The following ERICH1 variants were observed in gnomAD, a reference collection of about 807,000 sequenced individuals.
ERICH1 encodes the protein glutamate rich 1, also known as glutamate-rich protein 1.
A neutral mutation model predicts 39.6 loss-of-function variants in ERICH1; 56 were observed. The observed-to-expected ratio is 1.41, with a 90% CI of 1.14 to 1.77. The LOEUF is 1.77. ERICH1 is among the 40% of genes most tolerant of loss of function. The probability of loss-of-function intolerance (pLI) is 0.00; values close to 1 mark genes in which losing one functional copy is unlikely to be tolerated. For synonymous variants in ERICH1, 313 were observed against 223.6 expected (o/e 1.40, Z -3.57); for missense variants, 826 against 575.4 (o/e 1.44, Z -4.45).
intron 1 of ERICH1, among the ~76,000 whole-genome samples, chr8:719,566 G>C (rs1413336014): frequency 6.6e-6 from 1 of 152,206 alleles, no homozygotes; most frequent in Non-Finnish European, 1.5e-5. Flanking sequence ...AAACACTGTG[G>C]AGGAGACACC....
At chr8:722,052 CACG>C in intron 1 of ERICH1, among the ~76,000 whole-genome samples, 1 of 152,218 alleles carries the variant, frequency 6.6e-6, no homozygotes, top group East Asian at 1.9e-4. Flanking sequence ...GCCTTGCAGT[CACG>C]ACGACTCCGT....
At chr8:687,904 C>G (rs1289175237) in intron 3 of ERICH1, among the ~76,000 whole-genome samples, 1 of 152,144 alleles carries the variant, frequency 6.6e-6, no homozygotes, top group Admixed American at 6.5e-5. Flanking sequence ...GGCTTCCAGC[C>G]GAGACGGCAC....
chr8:692,378 C>A, intron 3 of ERICH1, 100 bp downstream of exon 3: 1 of 1,533,118 alleles, frequency 6.5e-7, no homozygotes, highest in Non-Finnish European at 8.9e-7. Context: ...CACCCACCCC[C>A]CAAGTATGAA....
intron 3 of ERICH1, among the ~76,000 whole-genome samples, chr8:633,463 A>G (rs1401531213): frequency 6.6e-6 from 1 of 152,204 alleles, no homozygotes; most frequent in Non-Finnish European, 1.5e-5. Flanking sequence ...ATTTATAGGG[A>G]GTTTTAAAGC....
At position 673,495 on chromosome 8, in the gene ERICH1, C is replaced by G. The variant is rs990840151; in HGVS notation, c.857G>C (p.Gly286Ala). ...DTIEEDLTRA[G>A]EEDGKDTREE... is the part of the protein sequence containing the mutation. ...CCTGGTGTCTTTACCGTCTTCCTCCCCGGCCCGTGTCAGGTCTTCCTCAAT... is the reference window on the plus strand; with the variant it reads ...CCTGGTGTCTTTACCGTCTTCCTCCGCGGCCCGTGTCAGGTCTTCCTCAAT... The change falls in exon 4 of 6, where the codon GGG becomes GCG. Residue 286 changes from glycine to alanine, a missense_variant. By Grantham distance (60) the Gly-to-Ala change is moderately conservative. Coordinates refer to ENST00000262109, the MANE Select transcript of ERICH1 (RefSeq NM_207332.3). The G allele has an allele frequency of 6.2e-7, 1 of 1,612,972 alleles. No individual in the cohort carries two copies. The highest frequency in any genetic ancestry group is 2.2e-5 in the East Asian group (1 of 44,784).
chr8:714,967 G>C (rs1815524319), intron 2 of ERICH1, among the ~76,000 whole-genome samples: 1 of 152,174 alleles, frequency 6.6e-6, no homozygotes, highest in African/African-American at 2.4e-5. Flanking sequence ...ACGTCTCTCA[G>C]TTGGATGTGC....
chr8:617,334 T>C (rs1458320680), intron 3 of ERICH1, among the ~76,000 whole-genome samples: 1 of 152,172 alleles, frequency 6.6e-6, no homozygotes, highest in Admixed American at 6.5e-5. Flanking sequence ...TCCCCCACCA[T>C]GTCCAGAGTA....
At chr8:686,946 G>GT (rs986849429) in intron 3 of ERICH1, among the ~76,000 whole-genome samples, 3 of 24,710 alleles carry the variant, frequency 1.2e-4, no homozygotes, top group Non-Finnish European at 2.7e-4. Flanking sequence ...AATGCGGAGC[G>GT]GGGGGCAGCC....
rs2117275096 is a variant in ERICH1 at position 646,462 on chromosome 8, T to G, written c.976+22136A>C. Among the ~76,000 whole-genome samples, 2 of 69,124 alleles carry G rather than the reference T, an allele frequency of 2.9e-5. 1 individual carries two copies. Among genetic ancestry groups the G allele is most frequent in the East Asian group, 5.9e-4 (2 of 3,382 alleles). 45.3% of individuals were successfully genotyped at this position (69,124 alleles called of 152,430 possible). A position where few individuals can be genotyped will look rare whatever the true frequency, so the allele number is the denominator to read the frequency against. Reference sequence around the variant, plus strand: ...AAATTGGGAAATTTGCCTAAACTGGTGTTTAATCAAATGCAGAACAGAAAT... The same window carrying G: ...AAATTGGGAAATTTGCCTAAACTGGGGTTTAATCAAATGCAGAACAGAAAT... On this transcript the variant is annotated intron_variant, in intron 3 of 3. Transcript: ENST00000522706.
intron 3 of ERICH1, among the ~76,000 whole-genome samples, chr8:679,415 G>C (rs11137007): frequency 0.9 from 110,994 of 123,760 alleles, 49,692 homozygotes; most frequent in South Asian, 0.94. Context: ...ACAGCACCCA[G>C]CCCTCACAAA....
Position 673,589 on chromosome 8 carries a change from C to A in ERICH1, c.763G>T (p.Glu255Ter). 6.4e-7 allele frequency: 1 copy of A among 1,553,808 alleles called. No homozygotes were observed. Among genetic ancestry groups the A allele is most frequent in the Non-Finnish European group, 8.8e-7 (1 of 1,132,182 alleles). ...TCCCCGGCCGGTGTCGGATCTTCCT[C>A]ACTGGCGTCCGCACCCTCTTCCTGC... The part of the protein sequence containing the change: ...ARQEEGADAS[E>*]EDPTPAGEED... Residue 255 changes from glutamate (E) to a stop codon, truncating the protein, a stop_gained, in exon 4 of 6, where the codon GAG (glutamate) becomes TAG (stop). Coordinates refer to ENST00000262109, the MANE Select transcript of ERICH1 (RefSeq NM_207332.3). LOFTEE classifies it high-confidence loss of function.
chr8:694,267 A>G (rs1025898783), intron 2 of ERICH1, among the ~76,000 whole-genome samples: 6 of 152,200 alleles, frequency 3.9e-5, no homozygotes, highest in Non-Finnish European at 2.9e-5. Context: ...ATTAATTACT[A>G]TGTCATTCCC....
At chr8:685,022 G>A (rs62487401) in intron 3 of ERICH1, among the ~76,000 whole-genome samples, 2,746 of 152,272 alleles carry the variant, frequency 0.018, 31 homozygotes, top group Middle Eastern at 0.034. Context: ...GCAGAGAACC[G>A]GTCTGACTAG....
At chr8:678,550 A>G (rs1195412458) in intron 3 of ERICH1, among the ~76,000 whole-genome samples, 2 of 152,246 alleles carry the variant, frequency 1.3e-5, no homozygotes, top group Admixed American at 1.3e-4. Context: ...TTTACTAAAC[A>G]TTTAAAGAAA....
rs549567871 is a variant in ERICH1 at position 704,310 on chromosome 8, C to T, written c.169+11551G>A. 2.6e-5 allele frequency among the ~76,000 whole-genome samples: 4 copies of T among 152,234 alleles called. No homozygotes were observed. In the South Asian group the frequency reaches 8.3e-4, roughly 32 times the overall value. ...AAGGAAGCCCCCGGGAGAGGTGAGACCGGGAGTTACGGCAAGGACTTGGGG... is the reference window on the plus strand; with the variant it reads ...AAGGAAGCCCCCGGGAGAGGTGAGATCGGGAGTTACGGCAAGGACTTGGGG... On this transcript the variant is annotated intron_variant, in intron 2 of 5. Transcript: ENST00000262109.
chr8:615,048 C>T, exon 4 of ERICH1: 1 of 467,570 alleles, frequency 2.1e-6, no homozygotes, highest in Admixed American at 4.0e-5. Flanking sequence ...GGCTACGCTC[C>T]CAGCAGCCCT....
chr8:631,063 C>G (rs1441709082), intron 3 of ERICH1, among the ~76,000 whole-genome samples: 1 of 152,018 alleles, frequency 6.6e-6, no homozygotes. Flanking sequence ...ATTGACAGAG[C>G]TGACTCATAC....
intron 1 of ERICH1, chr8:725,927 G>T (rs1197779618): frequency 6.6e-6 from 1 of 152,350 alleles, no homozygotes; most frequent in East Asian, 1.9e-4. Context: ...CTTCCTTGAA[G>T]ATGGGAAAAG....
intron 2 of ERICH1, among the ~76,000 whole-genome samples, chr8:715,072 G>A (rs1457452288): frequency 1.3e-5 from 2 of 151,012 alleles, no homozygotes; most frequent in Non-Finnish European, 3.0e-5. Flanking sequence ...GCCGCACCCA[G>A]GTGGTCTATT....
Sources: allele counts gnomAD v4.1 joint callset (sites outside exome capture counted in the v4.1 genomes callset), GRCh38; gene constraint gnomAD v4.1.1; transcripts MANE v1.5; gene names NCBI Gene and HGNC (gene_info 2026-07-23, HGNC 2026-07-21).